Variants in PTCH2 observed in about 807,000 individuals in gnomAD.
PTCH2 encodes the protein protein patched homolog 2.
Under a neutral mutation model 117.9 loss-of-function variants are expected in PTCH2, and 96 were observed. That is an observed-to-expected ratio of 0.81 (90% CI 0.69 to 0.96). The LOEUF is 0.96. Among genes scored for constraint, PTCH2 ranks in the 50% least tolerant of loss-of-function variants. The pLI is 0.00. For missense variants in PTCH2, 1,379 were observed against 1,562.5 expected, an observed-to-expected ratio of 0.88 and a Z score of 1.98; for synonymous variants, 615 against 660.9, an observed-to-expected ratio of 0.93 and a Z score of 1.06.
chr1:44,824,822 G>C lies in PTCH2; in HGVS notation c.3114+1428C>G, dbSNP rs191251435. On this transcript the variant is annotated intron_variant, in intron 19 of 21. Coordinates refer to ENST00000372192, the MANE Select transcript of PTCH2 (RefSeq NM_003738.5). ...TGAGTAGCTGGGATTACAGGCACCT[G>C]CCACTACGCCTGGCTAATTTTTGTA... 9.8e-3 allele frequency among the ~76,000 whole-genome samples: 1,487 copies of C among 151,946 alleles called. 25 individuals carry two copies. The highest frequency in any genetic ancestry group is 0.034 in the African/African-American group (1,420 of 41,424).
chr1:44,826,774 G>A lies in PTCH2; in HGVS notation c.2696-6C>T, dbSNP rs748878937. 6.3e-7 allele frequency: 1 copy of A among 1,599,224 alleles called. No homozygotes were observed. The highest frequency in any genetic ancestry group is 1.1e-5 in the South Asian group (1 of 89,658). ...CAAGGGCTGAGCTGGCGGGACTGTGGAGGGGAGGGGAAGGGAGAAGAGGGA... is the reference window on the plus strand; with the variant it reads ...CAAGGGCTGAGCTGGCGGGACTGTGAAGGGGAGGGGAAGGGAGAAGAGGGA... On this transcript the variant is annotated splice_region_variant and splice_polypyrimidine_tract_variant and intron_variant, in intron 17 of 21. Coordinates refer to ENST00000372192, the MANE Select transcript of PTCH2 (RefSeq NM_003738.5). The surrounding 1 kb of genome is among the most constrained non-coding windows in gnomAD (Gnocchi z 5.1).
chr1:44,830,587 CAAAAA>C (rs768951349), intron 6 of PTCH2, among the ~76,000 whole-genome samples: 1 of 65,176 alleles, frequency 1.5e-5, no homozygotes, highest in Non-Finnish European at 2.8e-5. Flanking sequence ...GAGTGAGACT[CAAAAA>C]AAAAAAAAAA....
chr1:44,829,826 G>A lies in PTCH2; in HGVS notation c.936-65C>T, dbSNP rs890779830. 1.9e-6 allele frequency: 3 copies of A among 1,613,868 alleles called. No individual in the cohort carries two copies. The African/African-American group carries it at 4.0e-5, about 22-fold the overall frequency. ...CAAACACCTGGTGAGGGATGTGAAG[G>A]GCCTTTTGCCAGAGCTGCCTGGCAT... On this transcript the variant is annotated intron_variant, in intron 7 of 21. Coordinates refer to ENST00000372192, the MANE Select transcript of PTCH2 (RefSeq NM_003738.5).
chr1:44,842,741 C>T, intron 1 of PTCH2, 120 bp downstream of exon 1: 1 of 1,033,786 alleles, frequency 9.7e-7, no homozygotes, highest in Non-Finnish European at 1.4e-6. Context: ...GGTGCTGGCT[C>T]TCACTTGCCT....
Position 44,829,666 on chromosome 1 carries a change from C to A in PTCH2, c.1031G>T (p.Ser344Ile), listed in dbSNP as rs373737063. The A allele has an allele frequency of 2.6e-5, 42 of 1,614,102 alleles. No homozygotes were observed. The highest frequency in any genetic ancestry group is 3.4e-5 in the Non-Finnish European group (40 of 1,180,050). ...TAGCACTGTGCTGGCCTGCTCCTCA[C>A]TCCAGCCAATGTCATGTGTCTGATA... ...GDYQTHDIGW[S>I]EEQASTVLQA... Residue 344 changes from serine to isoleucine, a missense_variant, in exon 8 of 22, where the codon AGT becomes ATT. Ser to Ile is a moderately radical substitution (Grantham distance 142). Transcript: ENST00000372192.
Position 44,830,896 on chromosome 1 carries a change from AG to A in PTCH2, c.764del (p.Pro255LeufsTer25), listed in dbSNP as rs1425146387. On this transcript the variant is annotated frameshift_variant, in exon 6 of 22. Coordinates refer to ENST00000372192, the MANE Select transcript of PTCH2 (RefSeq NM_003738.5). LOFTEE classifies it high-confidence loss of function. ...QAYVGRPCLH[P>X]DDLHCPPSAP... Reference sequence around the variant, plus strand: ...CACTAGGTGGGCAGTGGAGGTCATCAGGGTGCAGACAGGGCCGCCCCACGTA... The same window carrying A: ...CACTAGGTGGGCAGTGGAGGTCATCAGGTGCAGACAGGGCCGCCCCACGTA... The A allele has an allele frequency of 6.3e-7, 1 of 1,576,432 alleles. No homozygotes were observed. The highest frequency in any genetic ancestry group is 8.7e-7 in the Non-Finnish European group (1 of 1,153,060).
Position 44,831,081 on chromosome 1 carries a change from GA to G in PTCH2, c.618-39del. 1 of 1,583,884 alleles carries G rather than the reference GA, an allele frequency of 6.3e-7. No individual in the cohort carries two copies. On this transcript the variant is annotated intron_variant, in intron 5 of 21. Transcript: ENST00000372192. This position sits in a 1 kb window ranked among gnomAD's most constrained non-coding sequence, Gnocchi z 4.3. ...CCTATAGTTGGTGAGGGTCAGGGAC[GA>G]AAACCCAGGCTCCAAACTGCTGCTG...
Position 44,822,278 on chromosome 1 carries a change from C to T in PTCH2, c.*137G>A, listed in dbSNP as rs576052835. The stretch of plus-strand genomic sequence containing the variant: ...GTTCTGTATGGATATCAGGGAGGCC[C>T]ATGACAGCTGGGTCGGGAGAGGGGA... On this transcript the variant is annotated 3_prime_UTR_variant, in exon 22 of 22. Coordinates refer to ENST00000372192, the MANE Select transcript of PTCH2 (RefSeq NM_003738.5). 6.0e-4 allele frequency: 947 copies of T among 1,576,490 alleles called. 1 individual carries two copies. The highest frequency in any genetic ancestry group is 6.6e-4 in the Non-Finnish European group (770 of 1,168,280).
In PTCH2 at chr1:44,832,348, G is replaced by C. The variant is rs1653495032; in HGVS notation, c.266-7C>G. Reference sequence around the variant, plus strand: ...TGGCTCACCCGGCTGCCCACTGCCAGAGCAAACAGAGAAAGCTGGGGGGGA... The same window carrying C: ...TGGCTCACCCGGCTGCCCACTGCCACAGCAAACAGAGAAAGCTGGGGGGGA... On this transcript the variant is annotated splice_region_variant and splice_polypyrimidine_tract_variant and intron_variant, in intron 2 of 21. Transcript: ENST00000372192. 3.7e-6 allele frequency: 6 copies of C among 1,613,882 alleles called. No homozygotes were observed. Among genetic ancestry groups the C allele is most frequent in the Non-Finnish European group, 5.1e-6 (6 of 1,180,016 alleles).
chr1:44,826,489 A>G lies in PTCH2; in HGVS notation c.2975T>C (p.Ile992Thr), dbSNP rs776299795. 14 of 1,613,836 alleles carry G rather than the reference A, an allele frequency of 8.7e-6. No homozygotes were observed. The highest frequency in any genetic ancestry group is 4.4e-5 in the South Asian group (4 of 91,080). Residue 992 changes from isoleucine (I) to threonine (T), a missense_variant and splice_region_variant, in exon 18 of 22, where the codon ATA becomes ACA. Ile to Thr is a moderately conservative substitution (Grantham distance 89). Transcript: ENST00000372192. This position sits in a 1 kb window ranked among gnomAD's most constrained non-coding sequence, Gnocchi z 5.1. The stretch of plus-strand genomic sequence containing the variant: ...GTCCCCACTCCTGCAAGCACTCACT[A>G]TGAGGCCAGCCGTCCAGGGGTTGAG... ...LLLNPWTAGL[I>T]VLVLAMMTVE...
At chr1:44,825,344 GC>G (rs1037484983) in intron 19 of PTCH2, among the ~76,000 whole-genome samples, 5 of 151,224 alleles carry the variant, frequency 3.3e-5, no homozygotes, top group African/African-American at 1.2e-4. Flanking sequence ...CACCATGTCG[GC>G]CAGGCTGGTC....
chr1:44,842,036 G>C lies in PTCH2; in HGVS notation c.76C>G (p.Leu26Val). Reference protein sequence around the residue: ...PPARTAAPQILAGSLKAPLWL... With the variant: ...PPARTAAPQIVAGSLKAPLWL... ...AGTGGAGCCTTCAGGCTCCCAGCTA[G>C]GATCTGGGATGGAAAGAGAAGGGTC... The change falls in exon 2 of 22, where the codon CTA becomes GTA. Residue 26 changes from leucine to valine, a missense_variant. Transcript: ENST00000372192. The C allele has an allele frequency of 6.2e-7, 1 of 1,611,470 alleles. No homozygotes were observed.
chr1:44,825,844 C>CT (rs35549385), intron 19 of PTCH2, among the ~76,000 whole-genome samples: 18,730 of 118,396 alleles, frequency 0.16, 1,850 homozygotes, highest in East Asian at 0.29. Flanking sequence ...AGCCCAAATT[C>CT]TTTTTTTTTT....
intron 19 of PTCH2, among the ~76,000 whole-genome samples, chr1:44,824,520 C>T (rs1409084931): frequency 6.8e-5 from 10 of 147,798 alleles, no homozygotes; most frequent in African/African-American, 2.5e-4. Flanking sequence ...TTTTTTGAGA[C>T]AGGATCTTAC....
chr1:44,821,919 G>A, downstream of PTCH2: 1 of 1,362,672 alleles, frequency 7.3e-7, no homozygotes, highest in Non-Finnish European at 9.8e-7. Flanking sequence ...CCAAAAAAAA[G>A]CACTGAAGTC....
rs1396590009 is a variant in PTCH2 at position 44,823,971 on chromosome 1, T to A, written c.3115-586A>T. ...AAACAAACAAACAAACAAACATAGG[T>A]TGGGCAAACTACAGCCTGTCACTTG... On this transcript the variant is annotated intron_variant, in intron 19 of 21. Coordinates refer to ENST00000372192, the MANE Select transcript of PTCH2 (RefSeq NM_003738.5). The surrounding 1 kb of genome is among the most constrained non-coding windows in gnomAD (Gnocchi z 5.1). Among the ~76,000 whole-genome samples, 1 of 150,680 alleles carries A rather than the reference T, an allele frequency of 6.6e-6. No individual in the cohort carries two copies. Among genetic ancestry groups the A allele is most frequent in the Non-Finnish European group, 1.5e-5 (1 of 67,998 alleles).
Position 44,830,919 on chromosome 1 carries a change from C to T in PTCH2, c.742G>A (p.Val248Met), listed in dbSNP as rs745886577. The change falls in exon 6 of 22, where the codon GTG (valine) becomes ATG (methionine). Residue 248 changes from valine to methionine, a missense_variant. Val to Met is a conservative substitution (Grantham distance 21). Transcript: ENST00000372192. ...LDKAQVGQAY[V>M]GRPCLHPDDL... Reference sequence around the variant, plus strand: ...TCAGGGTGCAGACAGGGCCGCCCCACGTAGGCCTGGCCCACCTGTGCCTTG... The same window carrying T: ...TCAGGGTGCAGACAGGGCCGCCCCATGTAGGCCTGGCCCACCTGTGCCTTG... 4.4e-6 allele frequency: 7 copies of T among 1,594,254 alleles called. No homozygotes were observed. The highest frequency in any genetic ancestry group is 2.2e-5 in the South Asian group (2 of 90,172).
At position 44,826,857 on chromosome 1, in the gene PTCH2, T is replaced by C. The variant is rs180863388; in HGVS notation, c.2695+45A>G. ...GGCAGGGCCTCAGGCTCAGGGCTTGTGTGGGCGAGGCTGAGGCTCTTGCCG... is the reference window on the plus strand; with the variant it reads ...GGCAGGGCCTCAGGCTCAGGGCTTGCGTGGGCGAGGCTGAGGCTCTTGCCG... On this transcript the variant is annotated intron_variant, in intron 17 of 21. Transcript: ENST00000372192. The surrounding 1 kb of genome is among the most constrained non-coding windows in gnomAD (Gnocchi z 5.1). 6.2e-7 allele frequency: 1 copy of C among 1,613,004 alleles called. No homozygotes were observed.
rs374122512 is a variant in PTCH2, at chr1:44,821,947, A to G, written c.*468T>C. On this transcript the variant is annotated 3_prime_UTR_variant, in exon 22 of 22. Transcript: ENST00000372192. ...CTGAAGTCATCTGAGATTAGTTCACATAGAATATATTTCATTCTTTAAAAA... is the reference window on the plus strand; with the variant it reads ...CTGAAGTCATCTGAGATTAGTTCACGTAGAATATATTTCATTCTTTAAAAA... The G allele has an allele frequency of 2.8e-5, 38 of 1,343,658 alleles. No individual in the cohort carries two copies. The African/African-American group carries it at 3.8e-4, about 13-fold the overall frequency. 83.2% of individuals were successfully genotyped at this position (1,343,658 alleles called of 1,614,324 possible).
Sources: gnomAD v4.1 joint callset for allele counts (sites outside exome capture counted in the v4.1 genomes callset) on GRCh38, gnomAD v4.1.1 for gene constraint, Gnocchi (gnomAD v3.1) non-coding constraint, MANE v1.5 for transcripts, NCBI Gene and HGNC (gene_info 2026-07-23, HGNC 2026-07-21) for gene names.